Variants in PLEKHG1 observed in about 807,000 individuals in gnomAD.
The protein encoded by PLEKHG1 is pleckstrin homology domain-containing family G member 1.
Under a neutral mutation model 100.8 loss-of-function variants are expected in PLEKHG1, and 44 were observed. The ratio of observed to expected loss-of-function variants is 0.44; its 90% CI spans 0.34 to 0.56. The LOEUF (loss-of-function observed/expected upper bound fraction) is 0.56, where lower values mean the gene tolerates loss of function less well. Ranked by LOEUF, PLEKHG1 falls within the 20% of genes least tolerant of loss-of-function variation. The pLI, the probability that PLEKHG1 is intolerant of heterozygous loss-of-function variation, is 0.01. For missense variants in PLEKHG1, 1,545 were observed against 1,720.9 expected, an observed-to-expected ratio of 0.90 and a Z score of 1.81; for synonymous variants, 640 against 662.5, an observed-to-expected ratio of 0.97 and a Z score of 0.52.
At chr6:150,800,928 TAA>T in intron 6 of PLEKHG1, 59 bp downstream of exon 7, 13 of 1,444,732 alleles carry the variant, frequency 9.0e-6, no homozygotes, top group East Asian at 2.3e-5. Flanking sequence ...GTGTATATAT[TAA>T]GTTTGGTGGA....
At chr6:150,628,527 A>AAACACACACAC (rs1777594353) in intron 1 of PLEKHG1, among the ~76,000 whole-genome samples, 1 of 94,760 alleles carries the variant, frequency 1.1e-5, no homozygotes, top group Non-Finnish European at 2.1e-5. Flanking sequence ...TAGATAGGAA[A>AAACACACACAC]ACACACACAC....
At chr6:150,648,442 T>G (rs1341146056) in intron 2 of PLEKHG1, among the ~76,000 whole-genome samples, 18 of 152,156 alleles carry the variant, frequency 1.2e-4, no homozygotes, top group Admixed American at 1.2e-3. Flanking sequence ...GTGCTGAGTT[T>G]ACCCCATGCC....
chr6:150,788,860 TGCACACACACAC>T (rs1400864727), intron 4 of PLEKHG1, among the ~76,000 whole-genome samples: 1 of 152,108 alleles, frequency 6.6e-6, no homozygotes, highest in East Asian at 1.9e-4. Flanking sequence ...TGAGTGTGTG[TGCACACACACAC>T]GCATACACAC....
intron 1 of PLEKHG1, among the ~76,000 whole-genome samples, chr6:150,614,550 CAA>C (rs1456885201): frequency 2.0e-5 from 3 of 152,136 alleles, no homozygotes; most frequent in Non-Finnish European, 4.4e-5. Context: ...GCAACCAAAT[CAA>C]GAGTTCCCAA....
intron 1 of PLEKHG1, among the ~76,000 whole-genome samples, chr6:150,725,988 A>G (rs1336938174): frequency 6.6e-6 from 1 of 152,174 alleles, no homozygotes; most frequent in Non-Finnish European, 1.5e-5. Context: ...CCTGGAGCCT[A>G]TTGTGCTAAG....
chr6:150,792,968 G>A (rs1237346876), intron 4 of PLEKHG1, among the ~76,000 whole-genome samples: 2 of 152,094 alleles, frequency 1.3e-5, no homozygotes, highest in African/African-American at 4.8e-5. Flanking sequence ...GGGATAATTT[G>A]AACATCAGTG....
At chr6:150,684,933 C>A (rs890175477) in intron 3 of PLEKHG1, among the ~76,000 whole-genome samples, 1 of 152,146 alleles carries the variant, frequency 6.6e-6, no homozygotes, top group Non-Finnish European at 1.5e-5. Context: ...GTTTTCTCTG[C>A]CACTTCACCC....
chr6:150,660,258 C>A (rs1483352314), intron 3 of PLEKHG1, among the ~76,000 whole-genome samples: 2 of 151,990 alleles, frequency 1.3e-5, no homozygotes, highest in Non-Finnish European at 2.9e-5. Context: ...AATTTTAAAA[C>A]TAAGTAATTT....
intron 14 of PLEKHG1, among the ~76,000 whole-genome samples, chr6:150,829,560 G>A (rs1776796356): frequency 1.3e-5 from 2 of 152,302 alleles, no homozygotes; most frequent in South Asian, 4.1e-4. Flanking sequence ...AGAGGTTGCA[G>A]TGAGCCAAGA....
intron 2 of PLEKHG1, among the ~76,000 whole-genome samples, chr6:150,638,679 T>C (rs1778121455): frequency 6.6e-6 from 1 of 152,164 alleles, no homozygotes. Flanking sequence ...TGTTCAGTGG[T>C]GGGGAGCTTA....
chr6:150,607,781 G>A (rs1483474330), intron 1 of PLEKHG1, among the ~76,000 whole-genome samples: 3 of 152,164 alleles, frequency 2.0e-5, no homozygotes, highest in Admixed American at 2.0e-4. Flanking sequence ...TAGCGAGGGT[G>A]GGGCTGCCAG....
intron 14 of PLEKHG1, among the ~76,000 whole-genome samples, chr6:150,823,878 C>T (rs541808189): frequency 3.4e-4 from 51 of 152,198 alleles, no homozygotes; most frequent in Non-Finnish European, 6.9e-4. Context: ...TTCCCTTTCC[C>T]CAGCCCACAT....
At position 150,759,729 on chromosome 6, in the gene PLEKHG1, G is replaced by T. The variant is rs556185404; in HGVS notation, c.412-8909G>T. ...AAATAACAACAATGATGATTGCCGG[G>T]TGTGGTAGCTTATGCCTATAAGCCC... On this transcript the variant is annotated intron_variant, in intron 2 of 15. Coordinates refer to ENST00000358517, the Ensembl canonical transcript of PLEKHG1. Among the ~76,000 whole-genome samples the T allele has an allele frequency of 1.4e-3, 209 of 152,330 alleles. No homozygotes were observed. The Middle Eastern group carries it at 0.024, about 17-fold the overall frequency.
In PLEKHG1 at chr6:150,707,130, G is replaced by A. The variant is rs143396765; in HGVS notation, c.-98-26454G>A. Among the ~76,000 whole-genome samples, 281 of 148,442 alleles carry A rather than the reference G, an allele frequency of 1.9e-3. 8 individuals carry two copies. The East Asian group carries it at 0.044, about 23-fold the overall frequency. ...AGCGATTCTCCTGCCTCAACCTCCC[G>A]AGTAGCTGGGATTACAGGTGCGCGC... is the stretch of plus-strand genomic sequence containing the variant. On this transcript the variant is annotated intron_variant, in intron 3 of 3. Transcript: ENST00000367326.
chr6:150,778,358 C>T (rs1387854759), intron 3 of PLEKHG1, among the ~76,000 whole-genome samples: 2 of 152,128 alleles, frequency 1.3e-5, no homozygotes, highest in African/African-American at 4.8e-5. Context: ...AAACTCCTGG[C>T]CTCAGGTGAT....
At chr6:150,635,767 A>G (rs1287854436) in intron 1 of PLEKHG1, among the ~76,000 whole-genome samples, 2 of 152,166 alleles carry the variant, frequency 1.3e-5, no homozygotes, top group South Asian at 2.1e-4. Flanking sequence ...TCCTGATTTC[A>G]GGTATGTTTT....
At chr6:150,663,119 AT>A (rs1779261261) in intron 3 of PLEKHG1, 1 of 152,216 alleles carries the variant, frequency 6.6e-6, no homozygotes, top group African/African-American at 2.4e-5. Flanking sequence ...ATCTTGAAAG[AT>A]AGCCAAGAAA....
rs548586941 is a variant in PLEKHG1 at position 150,641,656 on chromosome 6, G to A, written c.-158+3531G>A. On this transcript the variant is annotated intron_variant, in intron 2 of 3. Coordinates refer to the PLEKHG1 transcript ENST00000367326. ...GCTGGTGGCTGTGGTGCTGTGGAAC[G>A]TGTGGATGAATAAATCACTGTTTGG... 1.6e-4 allele frequency among the ~76,000 whole-genome samples: 25 copies of A among 152,174 alleles called. No individual in the cohort carries two copies. The Middle Eastern group carries it at 0.01, about 62-fold the overall frequency.
chr6:150,634,280 GAAA>G (rs10693410), intron 1 of PLEKHG1, among the ~76,000 whole-genome samples: 1 of 144,960 alleles, frequency 6.9e-6, no homozygotes, highest in Non-Finnish European at 1.5e-5. Context: ...AGAGGAAGAA[GAAA>G]AAAAAAAGAA....
Sources: gnomAD v4.1 joint callset for allele counts (sites outside exome capture counted in the v4.1 genomes callset) on GRCh38, gnomAD v4.1.1 for gene constraint, MANE v1.5 for transcripts, NCBI Gene and HGNC (gene_info 2026-07-23, HGNC 2026-07-21) for gene names.